MACF1: variants seen among roughly 807,000 people sequenced by gnomAD.
The protein encoded by MACF1 is microtubule actin crosslinking factor 1, also known as microtubule-actin cross-linking factor 1.
Under a neutral mutation model 854.8 loss-of-function variants are expected in MACF1, and 193 were observed. The observed-to-expected ratio is 0.23, with a 90% CI of 0.20 to 0.25. The LOEUF (loss-of-function observed/expected upper bound fraction) is 0.25. Among genes scored for constraint, MACF1 ranks in the 10% least tolerant of loss-of-function variants. MACF1 has a pLI of 1.00. For missense variants in MACF1, 7,722 were observed against 8,929.1 expected (o/e 0.86, Z 5.45); for synonymous variants, 3,185 against 3,226.7 (o/e 0.99, Z 0.44).
intron 69 of MACF1, among the ~76,000 whole-genome samples, chr1:39,435,255 A>C (rs1643948664): frequency 6.6e-6 from 1 of 152,240 alleles, no homozygotes; most frequent in Non-Finnish European, 1.5e-5. Flanking sequence ...TTATGATTAC[A>C]GAAGAGTGTG....
intron 2 of MACF1, among the ~76,000 whole-genome samples, chr1:39,121,486 G>T (rs948392656): frequency 4.6e-5 from 7 of 152,184 alleles, no homozygotes; most frequent in African/African-American, 1.4e-4. Context: ...GTCTTGCTTT[G>T]TTGCCTGGTC....
chr1:39,478,914 A>G (rs1229287308), intron 97 of MACF1, among the ~76,000 whole-genome samples: 1 of 152,222 alleles, frequency 6.6e-6, no homozygotes, highest in Non-Finnish European at 1.5e-5. Context: ...TTTCTGCAGG[A>G]TTACATCTTA....
At chr1:39,297,245 A>C (rs1296018742) in intron 20 of MACF1, among the ~76,000 whole-genome samples, 16 of 152,138 alleles carry the variant, frequency 1.1e-4, no homozygotes, top group Non-Finnish European at 2.4e-4. Flanking sequence ...TAAATTAAAT[A>C]GTTTCCGTGA....
Position 39,444,658 on chromosome 1 carries a change from G to A in MACF1, c.19432-4G>A, listed in dbSNP as rs781588052. 19 of 1,605,336 alleles carry A rather than the reference G, an allele frequency of 1.2e-5. No homozygotes were observed. The highest frequency in any genetic ancestry group is 1.6e-5 in the Non-Finnish European group (19 of 1,174,254). On this transcript the variant is annotated splice_region_variant and splice_polypyrimidine_tract_variant and intron_variant, in intron 79 of 100. Coordinates refer to ENST00000564288, the MANE Select transcript of MACF1 (RefSeq NM_001394062.1). ...ATTGATATCTTTCCTGCCTTTTCTTGTAGGAACTCTATTCCCAGCTGAAAG... is the reference window on the plus strand; with the variant it reads ...ATTGATATCTTTCCTGCCTTTTCTTATAGGAACTCTATTCCCAGCTGAAAG...
At chr1:39,140,009 A>T (rs1643303512) in intron 2 of MACF1, among the ~76,000 whole-genome samples, 1 of 151,448 alleles carries the variant, frequency 6.6e-6, no homozygotes, top group Admixed American at 6.6e-5. Flanking sequence ...GCTGCAGTGC[A>T]GTGGTGTAAA....
At chr1:39,440,563 T>C (rs1269519524) in intron 72 of MACF1, among the ~76,000 whole-genome samples, 1 of 151,108 alleles carries the variant, frequency 6.6e-6, no homozygotes, top group Admixed American at 6.6e-5. Context: ...TCAATACCAA[T>C]ACATGAGCCA....
intron 6 of MACF1, among the ~76,000 whole-genome samples, chr1:39,261,390 C>T (rs1403782949): frequency 6.6e-6 from 1 of 152,174 alleles, no homozygotes; most frequent in African/African-American, 2.4e-5. Context: ...GTTGTACAAT[C>T]ATCACCATAA....
intron 2 of MACF1, among the ~76,000 whole-genome samples, chr1:39,173,351 A>AAAAAAGAAAGAAAG (rs1553155692): frequency 7.9e-6 from 1 of 126,236 alleles, no homozygotes; most frequent in Non-Finnish European, 1.6e-5. Flanking sequence ...AAAAAAAAAA[A>AAAAAAGAAAGAAAG]AAAGAAAGAA....
chr1:39,181,562 G>GA (rs1468661522), intron 2 of MACF1, among the ~76,000 whole-genome samples: 1 of 151,858 alleles, frequency 6.6e-6, no homozygotes, highest in African/African-American at 2.4e-5. Context: ...AGCTGCTCCT[G>GA]AAATTCATGT....
In MACF1 at chr1:39,447,757, A is replaced by G; in HGVS notation, c.19827A>G (p.Gln6609=). 1 of 1,614,144 alleles carries G rather than the reference A, an allele frequency of 6.2e-7. No individual in the cohort carries two copies. Residue 6609 remains glutamine (Q), a synonymous_variant, in exon 82 of 101, where the codon CAA becomes CAG. Transcript: ENST00000564288. ...TTGAGCTGGATCAAACTGGGAATCA[A>G]TTAAAGTTCCTTAGCCAAAAGCAGG... ...QIIELDQTGN[Q]LKFLSQKQDV...
At position 39,368,581 on chromosome 1, in the gene MACF1, A is replaced by G. The variant is rs1301373394; in HGVS notation, c.12938+267A>G. 2.0e-5 allele frequency among the ~76,000 whole-genome samples: 3 copies of G among 151,970 alleles called. No individual in the cohort carries two copies. In the East Asian group the frequency reaches 5.8e-4, roughly 29 times the overall value. On this transcript the variant is annotated intron_variant, in intron 50 of 100. Transcript: ENST00000564288. ...CAGTGGTGCCATCTTGGCTCACTAC[A>G]ACCTCCATCTCTTGGGTTCAAGCAA... is the stretch of plus-strand genomic sequence containing the variant.
At chr1:39,301,600 T>C (rs1646043846) in intron 22 of MACF1, among the ~76,000 whole-genome samples, 1 of 151,604 alleles carries the variant, frequency 6.6e-6, no homozygotes, top group Admixed American at 6.6e-5. Flanking sequence ...TAATTTTTTG[T>C]ATTTTTAGTA....
At chr1:39,120,096 C>T (rs1448187855) in intron 2 of MACF1, among the ~76,000 whole-genome samples, 3 of 151,854 alleles carry the variant, frequency 2.0e-5, no homozygotes, top group Non-Finnish European at 2.9e-5. Flanking sequence ...ATTGATGAGG[C>T]TGGTCTTGAA....
chr1:39,233,236 G>A (rs1232815190), intron 2 of MACF1, among the ~76,000 whole-genome samples: 1 of 152,104 alleles, frequency 6.6e-6, no homozygotes, highest in Non-Finnish European at 1.5e-5. Context: ...GTTTCTCCAC[G>A]TTAGTCAGGC....
intron 2 of MACF1, among the ~76,000 whole-genome samples, chr1:39,176,239 C>G (rs903173222): frequency 2.7e-5 from 4 of 149,962 alleles, no homozygotes; most frequent in African/African-American, 9.8e-5. Context: ...GATCACACCT[C>G]TGCACTCCAG....
chr1:39,300,747 C>T (rs981642354), intron 22 of MACF1, among the ~76,000 whole-genome samples: 1 of 152,124 alleles, frequency 6.6e-6, no homozygotes, highest in Non-Finnish European at 1.5e-5. Context: ...GCTAATATTA[C>T]CCTAAGAGCA....
At chr1:39,353,452 G>C (rs531749980) in intron 44 of MACF1, among the ~76,000 whole-genome samples, 1 of 151,956 alleles carries the variant, frequency 6.6e-6, no homozygotes, top group Non-Finnish European at 1.5e-5. Context: ...CTTTCCTCTG[G>C]CCAGGTTTTC....
rs750640481 is a variant in MACF1, at chr1:39,458,405, C to T, written c.21111C>T (p.Asp7037=). 4 of 1,614,012 alleles carry T rather than the reference C, an allele frequency of 2.5e-6. No homozygotes were observed. The highest frequency in any genetic ancestry group is 3.4e-6 in the Non-Finnish European group (4 of 1,179,970). ...AGGAGATGACTCGCAAACAGCCTGA[C>T]GTGGACCGGGTCACCAAGACATACA... ...FMEEMTRKQP[D]VDRVTKTYKR... The change falls in exon 90 of 101, where the codon GAC becomes GAT. Residue 7037 remains aspartate, a synonymous_variant. Transcript: ENST00000564288.
chr1:39,304,459 A>G (rs1646125208), intron 23 of MACF1: 1 of 1,435,648 alleles, frequency 7.0e-7, no homozygotes, highest in East Asian at 2.3e-5. Context: ...CTGATCCAAC[A>G]GCGACTACTG....
Sources: allele counts gnomAD v4.1 joint callset (sites outside exome capture counted in the v4.1 genomes callset), GRCh38; gene constraint gnomAD v4.1.1; transcripts MANE v1.5; gene names NCBI Gene and HGNC (gene_info 2026-07-23, HGNC 2026-07-21).